Variants in CATSPERG observed in about 807,000 individuals in gnomAD.
CATSPERG encodes catsper channel auxiliary subunit gamma.
A neutral mutation model predicts 145.0 loss-of-function variants in CATSPERG; 115 were observed. The observed-to-expected ratio is 0.79, with a 90% CI of 0.68 to 0.93. The LOEUF (loss-of-function observed/expected upper bound fraction) is 0.93. CATSPERG is among the 40% of genes least tolerant of loss of function. CATSPERG has a pLI of 0.00. For missense variants in CATSPERG, 1,296 were observed against 1,490.1 expected, an observed-to-expected ratio of 0.87 and a Z score of 2.14; for synonymous variants, 588 against 589.0, an observed-to-expected ratio of 1.00 and a Z score of 0.02.
chr19:38,348,060 C>T (rs1333305868), intron 7 of CATSPERG, among the ~76,000 whole-genome samples: 1 of 152,142 alleles, frequency 6.6e-6, no homozygotes, highest in Non-Finnish European at 1.5e-5. Flanking sequence ...CTCTGAATTC[C>T]TGCTTATGTG....
chr19:38,353,003 G>A (rs1970172150), intron 8 of CATSPERG, among the ~76,000 whole-genome samples: 1 of 145,950 alleles, frequency 6.9e-6, no homozygotes, highest in Non-Finnish European at 1.5e-5. Flanking sequence ...ACTCCAGCCT[G>A]GGCGACAGAG....
chr19:38,346,425 C>A, intron 6 of CATSPERG, 25 bp from the exon 7 acceptor site: 1 of 1,510,440 alleles, frequency 6.6e-7, no homozygotes, highest in Middle Eastern at 1.7e-4. Flanking sequence ...AGAGTGTTGG[C>A]GTCCCTCCTG....
At chr19:38,357,964 AAT>A in intron 11 of CATSPERG, 1 of 273,530 alleles carries the variant, frequency 3.7e-6, no homozygotes, top group Non-Finnish European at 7.0e-6. Context: ...AAAAAAAAAA[AAT>A]TAGCTGGGCA....
intron 3 of CATSPERG, chr19:38,337,859 C>T: frequency 2.3e-6 from 1 of 443,682 alleles, no homozygotes; most frequent in East Asian, 4.1e-5. Context: ...GCTGGAACTA[C>T]AGGCATGTGA....
chr19:38,339,159 C>A (rs1969895487), intron 3 of CATSPERG, among the ~76,000 whole-genome samples: 1 of 152,156 alleles, frequency 6.6e-6, no homozygotes, highest in Non-Finnish European at 1.5e-5. Context: ...TTGCATTAAG[C>A]ACATGATTTA....
In CATSPERG at chr19:38,356,844, T is replaced by A; in HGVS notation, c.1298T>A (p.Val433Glu). ...GYGNASKRFQ[V>E]VSYNTASDDL... ...GGTAATGCAAGTAAACGTTTCCAGG[T>A]GGTCAGCTACAACACAGGTAATGAG... is the stretch of plus-strand genomic sequence containing the variant. The change falls in exon 11 of 29, where the codon GTG (valine) becomes GAG (glutamate). Residue 433 changes from valine to glutamate, a missense_variant. Val to Glu is a moderately radical substitution (Grantham distance 121). Coordinates refer to ENST00000409235, the MANE Select transcript of CATSPERG (RefSeq NM_021185.5). 2 of 1,614,024 alleles carry A rather than the reference T, an allele frequency of 1.2e-6. No homozygotes were observed. Among genetic ancestry groups the A allele is most frequent in the Non-Finnish European group, 1.7e-6 (2 of 1,179,972 alleles).
Position 38,364,887 on chromosome 19 carries a change from C to A in CATSPERG, c.2476-4C>A. 1 of 1,612,500 alleles carries A rather than the reference C, an allele frequency of 6.2e-7. No homozygotes were observed. Among genetic ancestry groups the A allele is most frequent in the South Asian group, 1.1e-5 (1 of 91,046 alleles). On this transcript the variant is annotated splice_polypyrimidine_tract_variant and splice_region_variant and intron_variant, in intron 20 of 28. Transcript: ENST00000409235. ...TTTCTGCCTCTCCCCTCCTTCAACCCCAGATTACGCTCAAGGATAAAAAGC... is the reference window on the plus strand; with the variant it reads ...TTTCTGCCTCTCCCCTCCTTCAACCACAGATTACGCTCAAGGATAAAAAGC...
intron 22 of CATSPERG, 72 bp from the exon 23 acceptor site, chr19:38,367,083 TC>T: frequency 7.0e-7 from 1 of 1,430,114 alleles, no homozygotes; most frequent in Non-Finnish European, 9.4e-7. Flanking sequence ...GGACTGTCCT[TC>T]CTGCCCCTTA....
chr19:38,339,945 C>A (rs141528176), intron 3 of CATSPERG, among the ~76,000 whole-genome samples: 5,599 of 151,594 alleles, frequency 0.037, 135 homozygotes, highest in Middle Eastern at 0.055. Context: ...ACCTCCCCCT[C>A]CCAGGTTCAA....
chr19:38,358,402 C>A, intron 12 of CATSPERG, 30 bp from the exon 13 acceptor site: 1 of 1,614,132 alleles, frequency 6.2e-7, no homozygotes, highest in South Asian at 1.1e-5. Flanking sequence ...CACTTCACTG[C>A]TGTGTCCTCT....
intron 26 of CATSPERG, among the ~76,000 whole-genome samples, chr19:38,369,218 G>A (rs1012504539): frequency 2.0e-5 from 3 of 152,076 alleles, no homozygotes; most frequent in South Asian, 2.1e-4. Flanking sequence ...GTGAATGAAC[G>A]AACAACTTGC....
chr19:38,370,442 A>G, intron 28 of CATSPERG, 84 bp from the exon 29 acceptor site: 2 of 1,571,226 alleles, frequency 1.3e-6, no homozygotes. Context: ...TCCATCTGTC[A>G]ATTTCCCTGT....
chr19:38,354,942 G>A (rs926104122), intron 9 of CATSPERG, 95 bp downstream of exon 9: 4 of 1,425,372 alleles, frequency 2.8e-6, no homozygotes, highest in Non-Finnish European at 3.8e-6. Flanking sequence ...ATTACCATGT[G>A]CCCTGAGGAG....
intron 14 of CATSPERG, chr19:38,360,223 C>A (rs913101086): frequency 1.0e-6 from 1 of 985,174 alleles, no homozygotes; most frequent in South Asian, 4.7e-5. Flanking sequence ...ATGCTTAGGT[C>A]GCAAGTGCCA....
Position 38,367,136 on chromosome 19 carries a change from C to A in CATSPERG, c.2614-20C>A, listed in dbSNP as rs762278541. 15 of 1,605,620 alleles carry A rather than the reference C, an allele frequency of 9.3e-6. No individual in the cohort carries two copies. The African/African-American group carries it at 1.9e-4, about 20-fold the overall frequency. ...AGGAGACCCTGGCCACCCCTGTGAG[C>A]CTTTTTTCCTCCCACCGAGGGCAAC... On this transcript the variant is annotated intron_variant, in intron 22 of 28. Transcript: ENST00000409235.
intron 3 of CATSPERG, among the ~76,000 whole-genome samples, chr19:38,339,730 A>C (rs990756356): frequency 6.6e-6 from 1 of 152,166 alleles, no homozygotes; most frequent in East Asian, 1.9e-4. Flanking sequence ...ATTTTCTTCA[A>C]GAGATTTTTA....
intron 11 of CATSPERG, among the ~76,000 whole-genome samples, chr19:38,357,672 C>T (rs1449555501): frequency 6.6e-6 from 1 of 151,654 alleles, no homozygotes; most frequent in African/African-American, 2.4e-5. Flanking sequence ...CAAAAATTGG[C>T]CGGGCACGGC....
intron 7 of CATSPERG, among the ~76,000 whole-genome samples, chr19:38,351,733 C>T (rs1388789073): frequency 2.0e-5 from 3 of 151,990 alleles, no homozygotes; most frequent in Admixed American, 6.6e-5. Flanking sequence ...ATAGCGAGAC[C>T]TCACCTCTAC....
At chr19:38,347,832 TCTGGAGGCTGAGG>T (rs1970065947) in intron 7 of CATSPERG, among the ~76,000 whole-genome samples, 1 of 151,824 alleles carries the variant, frequency 6.6e-6, no homozygotes, top group Non-Finnish European at 1.5e-5. Context: ...TCCCAGCTAC[TCTGGAGGCTGAGG>T]CTGGAGAATC....
Sources: gnomAD v4.1 joint callset for allele counts (sites outside exome capture counted in the v4.1 genomes callset) on GRCh38, gnomAD v4.1.1 for gene constraint, MANE v1.5 for transcripts, NCBI Gene and HGNC (gene_info 2026-07-23, HGNC 2026-07-21) for gene names.